The following CRB1 variants were observed in gnomAD, a reference collection of about 807,000 sequenced individuals.
CRB1 encodes crumbs cell polarity complex component 1, also known as protein crumbs homolog 1.
CRB1 carries 83 observed loss-of-function variants against 120.0 expected under a neutral mutation model. The ratio of observed to expected loss-of-function variants is 0.69; its 90% CI spans 0.58 to 0.83. CRB1 has a LOEUF of 0.83. Among genes scored for constraint, CRB1 ranks in the 40% least tolerant of loss-of-function variants. The probability of loss-of-function intolerance (pLI) is 0.00; values close to 1 mark genes in which losing one functional copy is unlikely to be tolerated. For synonymous variants in CRB1, 625 were observed against 612.5 expected, an observed-to-expected ratio of 1.02 and a Z score of -0.30; for missense variants, 1,699 against 1,687.6, an observed-to-expected ratio of 1.01 and a Z score of -0.12.
At chr1:197,390,973 C>A (rs1298204993) in intron 5 of CRB1, among the ~76,000 whole-genome samples, 1 of 151,960 alleles carries the variant, frequency 6.6e-6, no homozygotes, top group African/African-American at 2.4e-5. Context: ...AAAAAAAATT[C>A]TAAGGATTGC....
At chr1:197,238,768 C>A in the CRB1 span, among the ~76,000 whole-genome samples, 2 of 152,058 alleles carry the variant, frequency 1.3e-5, no homozygotes, top group East Asian at 3.9e-4. Context: ...CATTTGAACC[C>A]AGGAGGCAGA....
the CRB1 span, among the ~76,000 whole-genome samples, chr1:197,216,719 A>G: frequency 6.6e-6 from 1 of 152,320 alleles, no homozygotes; most frequent in Non-Finnish European, 1.5e-5. Flanking sequence ...ATAATAGTGT[A>G]CTGCAATGAG....
At chr1:197,469,958 C>T (rs1666910162) in intron 11 of CRB1, among the ~76,000 whole-genome samples, 2 of 152,170 alleles carry the variant, frequency 1.3e-5, no homozygotes, top group South Asian at 4.1e-4. Context: ...ATCTGCCACT[C>T]CAATTCCTGC....
chr1:197,268,615 T>C (rs1654734095), intron 1 of CRB1, 133 bp downstream of exon 1: 9 of 694,712 alleles, frequency 1.3e-5, no homozygotes, highest in Non-Finnish European at 2.2e-5. Flanking sequence ...GTTTTTTTTT[T>C]AAGTGTCCTG....
At chr1:197,271,368 C>T (rs896513454) in intron 1 of CRB1, among the ~76,000 whole-genome samples, 2 of 152,178 alleles carry the variant, frequency 1.3e-5, no homozygotes, top group Non-Finnish European at 1.5e-5. Flanking sequence ...CCTTGCTCAG[C>T]TACCAGGGGA....
At chr1:197,300,578 A>G (rs183671898) in intron 1 of CRB1, among the ~76,000 whole-genome samples, 2 of 152,326 alleles carry the variant, frequency 1.3e-5, no homozygotes, top group Admixed American at 1.3e-4. Flanking sequence ...CATAAGGTTT[A>G]AGGGAAGAAG....
chr1:197,462,001 A>C (rs1040424446), intron 11 of CRB1, among the ~76,000 whole-genome samples: 3 of 152,198 alleles, frequency 2.0e-5, no homozygotes, highest in Admixed American at 6.5e-5. Flanking sequence ...ACAGCATGCC[A>C]TGAATTGCAG....
chr1:197,365,779 A>T (rs1226769842), intron 5 of CRB1, among the ~76,000 whole-genome samples: 1 of 151,870 alleles, frequency 6.6e-6, no homozygotes, highest in Non-Finnish European at 1.5e-5. Flanking sequence ...CTGACCGGGG[A>T]TCAGCAAACA....
intron 1 of CRB1, among the ~76,000 whole-genome samples, chr1:197,274,794 A>G (rs1655112126): frequency 6.6e-6 from 1 of 152,070 alleles, no homozygotes; most frequent in African/African-American, 2.4e-5. Flanking sequence ...AAAATATTCC[A>G]TTATATAGAT....
At chr1:197,394,877 G>A (rs1430549258) in intron 5 of CRB1, among the ~76,000 whole-genome samples, 1 of 152,002 alleles carries the variant, frequency 6.6e-6, no homozygotes, top group Non-Finnish European at 1.5e-5. Context: ...AAGCATATTA[G>A]GTTGCACTCA....
At chr1:197,280,328 A>G (rs1457600771) in intron 1 of CRB1, among the ~76,000 whole-genome samples, 1 of 151,918 alleles carries the variant, frequency 6.6e-6, no homozygotes, top group African/African-American at 2.4e-5. Flanking sequence ...AAGATCGTCA[A>G]TCAAGCTTGT....
intron 5 of CRB1, among the ~76,000 whole-genome samples, chr1:197,366,831 A>T (rs547948884): frequency 6.6e-6 from 1 of 152,258 alleles, no homozygotes; most frequent in African/African-American, 2.4e-5. Context: ...AAATCTAAAG[A>T]TCCATTTAGA....
chr1:197,462,420 C>T (rs1666570562), intron 11 of CRB1, among the ~76,000 whole-genome samples: 1 of 152,046 alleles, frequency 6.6e-6, no homozygotes, highest in African/African-American at 2.4e-5. Flanking sequence ...AACTTAGTGT[C>T]TCAAAAGGAG....
intron 10 of CRB1, 81 bp from the exon 11 acceptor site, chr1:197,442,085 T>C (rs1293415788): frequency 1.3e-6 from 2 of 1,570,920 alleles, no homozygotes; most frequent in African/African-American, 1.3e-5. Flanking sequence ...TCCAGAGAGA[T>C]AAGGCAAACT....
At chr1:197,374,475 G>A (rs905071393) in intron 5 of CRB1, among the ~76,000 whole-genome samples, 1 of 152,046 alleles carries the variant, frequency 6.6e-6, no homozygotes, top group Non-Finnish European at 1.5e-5. Context: ...GCTCTGCCCT[G>A]TCAAAGGGTA....
At chr1:197,326,493 T>C (rs1262270637) in intron 1 of CRB1, among the ~76,000 whole-genome samples, 1 of 151,856 alleles carries the variant, frequency 6.6e-6, no homozygotes, top group Admixed American at 6.6e-5. Context: ...TAACCAGGCA[T>C]GGTGGTGGGC....
chr1:197,462,306 A>G (rs1666566875), intron 11 of CRB1, among the ~76,000 whole-genome samples: 1 of 152,168 alleles, frequency 6.6e-6, no homozygotes, highest in Admixed American at 6.6e-5. Flanking sequence ...TATCTTACAT[A>G]TAGTGGAATA....
At chr1:197,433,372 A>G (rs1365329468) in intron 8 of CRB1, among the ~76,000 whole-genome samples, 5 of 152,128 alleles carry the variant, frequency 3.3e-5, no homozygotes. Flanking sequence ...ATAATGTATT[A>G]ATAGTGTTTT....
the CRB1 span, among the ~76,000 whole-genome samples, chr1:197,244,222 G>A: frequency 4.6e-5 from 7 of 152,208 alleles, no homozygotes; most frequent in African/African-American, 1.4e-4. Flanking sequence ...TCATTATGAC[G>A]TTAGCTGGCT....
Sources: gnomAD v4.1 joint callset for allele counts (sites outside exome capture counted in the v4.1 genomes callset) on GRCh38, gnomAD v4.1.1 for gene constraint, MANE v1.5 for transcripts, NCBI Gene and HGNC (gene_info 2026-07-23, HGNC 2026-07-21) for gene names.